Variants in COL8A1 observed in about 807,000 individuals in gnomAD.
COL8A1 encodes collagen type VIII alpha 1 chain, also known as collagen alpha-1(VIII) chain.
Under a neutral mutation model 42.7 loss-of-function variants are expected in COL8A1, and 21 were observed. The ratio of observed to expected loss-of-function variants is 0.49; its 90% confidence interval spans 0.35 to 0.71. The LOEUF (loss-of-function observed/expected upper bound fraction) is 0.71. Ranked by LOEUF, COL8A1 falls within the 30% of genes least tolerant of loss-of-function variation. The pLI, the probability that COL8A1 is intolerant of heterozygous loss-of-function variation, is 0.01. For missense variants in COL8A1, 788 were observed against 962.4 expected (o/e 0.82, Z 2.40); for synonymous variants, 367 against 369.1 (o/e 0.99, Z 0.06).
At chr3:99,731,802 A>G (rs748121471) in intron 1 of COL8A1, among the ~76,000 whole-genome samples, 3 of 152,200 alleles carry the variant, frequency 2.0e-5, no homozygotes, top group Admixed American at 6.5e-5. Flanking sequence ...AACTTTCAGT[A>G]AATTTGGAAA....
At chr3:99,676,204 A>G (rs968619085) in intron 1 of COL8A1, among the ~76,000 whole-genome samples, 1 of 152,142 alleles carries the variant, frequency 6.6e-6, no homozygotes, top group Non-Finnish European at 1.5e-5. Context: ...TCTTACAAAG[A>G]AAACTCCACA....
At chr3:99,766,616 T>C (rs1306905197) in intron 2 of COL8A1, among the ~76,000 whole-genome samples, 1 of 152,224 alleles carries the variant, frequency 6.6e-6, no homozygotes, top group Non-Finnish European at 1.5e-5. Context: ...ACCATAATAA[T>C]TGGACTTGAC....
At chr3:99,688,551 T>C (rs1446708095) in intron 1 of COL8A1, among the ~76,000 whole-genome samples, 1 of 152,122 alleles carries the variant, frequency 6.6e-6, no homozygotes, top group African/African-American at 2.4e-5. Flanking sequence ...GATCTCAAGA[T>C]CCTTAACTTA....
chr3:99,671,073 T>C (rs1446642641), intron 1 of COL8A1, among the ~76,000 whole-genome samples: 1 of 151,656 alleles, frequency 6.6e-6, no homozygotes, highest in Non-Finnish European at 1.5e-5. Context: ...AATCTACAAC[T>C]GAATCAAAAT....
intron 1 of COL8A1, among the ~76,000 whole-genome samples, chr3:99,732,090 C>A (rs1176080814): frequency 6.6e-6 from 1 of 152,046 alleles, no homozygotes; most frequent in Non-Finnish European, 1.5e-5. Flanking sequence ...CTTCCAGACT[C>A]CAGACTTCAG....
intron 1 of COL8A1, among the ~76,000 whole-genome samples, chr3:99,726,603 G>T (rs1426108183): frequency 6.6e-6 from 1 of 152,076 alleles, no homozygotes; most frequent in Non-Finnish European, 1.5e-5. Flanking sequence ...GTGTAAGGAA[G>T]GGATCCAGTT....
chr3:99,766,863 C>T (rs574214145), intron 2 of COL8A1, among the ~76,000 whole-genome samples: 1 of 152,052 alleles, frequency 6.6e-6, no homozygotes, highest in South Asian at 2.1e-4. Flanking sequence ...GCAGGAGAAT[C>T]GCTTGAACTC....
intron 1 of COL8A1, among the ~76,000 whole-genome samples, chr3:99,722,100 AT>A (rs1940173328): frequency 6.6e-6 from 1 of 151,984 alleles, no homozygotes; most frequent in African/African-American, 2.4e-5. Flanking sequence ...TGATCATATA[AT>A]TTTTTTATTC....
chr3:99,723,451 TAAAAC>T (rs1364459817), intron 1 of COL8A1, among the ~76,000 whole-genome samples: 2 of 152,128 alleles, frequency 1.3e-5, no homozygotes, highest in African/African-American at 4.8e-5. Context: ...TATTGCCCCT[TAAAAC>T]AAAAACAAAA....
chr3:99,658,793 G>T (rs1041451704), intron 1 of COL8A1, among the ~76,000 whole-genome samples: 1 of 152,200 alleles, frequency 6.6e-6, no homozygotes, highest in Non-Finnish European at 1.5e-5. Context: ...TGCAAGGCGG[G>T]AAGAACAAAT....
At chr3:99,707,056 G>C (rs1939699384) in intron 1 of COL8A1, 2 of 152,138 alleles carry the variant, frequency 1.3e-5, no homozygotes, top group South Asian at 4.1e-4. Context: ...TAAAGAAGAT[G>C]AGTTAAATTG....
chr3:99,753,048 T>C (rs138777221), intron 2 of COL8A1, among the ~76,000 whole-genome samples: 1 of 152,160 alleles, frequency 6.6e-6, no homozygotes, highest in Non-Finnish European at 1.5e-5. Context: ...CAAAATGTTA[T>C]CTGAGGACCC....
intron 1 of COL8A1, among the ~76,000 whole-genome samples, chr3:99,684,465 G>A (rs1463175639): frequency 3.9e-5 from 6 of 152,050 alleles, no homozygotes; most frequent in Non-Finnish European, 7.4e-5. Flanking sequence ...TTGGCATTTG[G>A]TCCTGAAAGC....
intron 1 of COL8A1, among the ~76,000 whole-genome samples, chr3:99,705,577 T>C (rs1939658285): frequency 6.6e-6 from 1 of 152,166 alleles, no homozygotes; most frequent in Non-Finnish European, 1.5e-5. Flanking sequence ...ATGGTACAAT[T>C]TTTCTAAAGG....
At chr3:99,748,665 A>C (rs1409623005) in intron 2 of COL8A1, among the ~76,000 whole-genome samples, 3 of 152,178 alleles carry the variant, frequency 2.0e-5, no homozygotes, top group Non-Finnish European at 4.4e-5. Context: ...ATTTCACAGT[A>C]CTGGACTTGT....
rs1225014729 is a variant in COL8A1, at chr3:99,795,623, G to GC, written c.1727dup (p.Thr577TyrfsTer17). On this transcript the variant is annotated frameshift_variant, in exon 4 of 4. Coordinates refer to ENST00000652472, the MANE Select transcript of COL8A1 (RefSeq NM_020351.4). LOFTEE classifies it high-confidence loss of function. ...GACCTCCAGGACCCCCAGCTGTGAT[G>GC]CCCCCTACACCACCACCCCAGGGAG... is the stretch of plus-strand genomic sequence containing the variant. 6.2e-7 allele frequency: 1 copy of GC among 1,613,160 alleles called. No homozygotes were observed. Among genetic ancestry groups the GC allele is most frequent in the African/African-American group, 1.3e-5 (1 of 74,788 alleles).
chr3:99,698,617 G>A (rs773308613), intron 1 of COL8A1, among the ~76,000 whole-genome samples: 5 of 152,156 alleles, frequency 3.3e-5, no homozygotes, highest in Non-Finnish European at 7.4e-5. Context: ...TAGTTGGAGA[G>A]AGAAAATATA....
rs561816638 is a variant in COL8A1, at chr3:99,797,717, G to A, written c.*1581G>A. 2 of 152,302 alleles carry A rather than the reference G, an allele frequency of 1.3e-5. No homozygotes were observed. Among genetic ancestry groups the A allele is most frequent in the Admixed American group, 1.3e-4 (2 of 15,304 alleles). 9.4% of individuals were successfully genotyped at this position (152,302 alleles called of 1,614,324 possible). Reference sequence around the variant, plus strand: ...TCTGGGTGTAGGTAGTAAAAGTATAGGAAAAGAACTGTTTCCTTAGAAGCG... The same window carrying A: ...TCTGGGTGTAGGTAGTAAAAGTATAAGAAAAGAACTGTTTCCTTAGAAGCG... On this transcript the variant is annotated 3_prime_UTR_variant, in exon 4 of 4. Coordinates refer to ENST00000652472, the MANE Select transcript of COL8A1 (RefSeq NM_020351.4).
At chr3:99,649,802 C>T (rs1315706102) in intron 1 of COL8A1, among the ~76,000 whole-genome samples, 1 of 151,988 alleles carries the variant, frequency 6.6e-6, no homozygotes, top group Non-Finnish European at 1.5e-5. Context: ...CACACACACA[C>T]ACATACACAT....
Sources: allele counts gnomAD v4.1 joint callset (sites outside exome capture counted in the v4.1 genomes callset), GRCh38; gene constraint gnomAD v4.1.1; transcripts MANE v1.5; gene names NCBI Gene and HGNC (gene_info 2026-07-23, HGNC 2026-07-21).